Variants in KCNIP4 observed in about 807,000 individuals in gnomAD.
The protein encoded by KCNIP4 is potassium voltage-gated channel interacting protein 4.
In KCNIP4, 12 loss-of-function variants were observed where a neutral mutation model predicts 34.0. That is an observed-to-expected ratio of 0.35 (90% confidence interval 0.23 to 0.57). The LOEUF (loss-of-function observed/expected upper bound fraction) is 0.57. Among genes scored for constraint, KCNIP4 ranks in the 20% least tolerant of loss-of-function variants. KCNIP4 has a pLI of 0.83. For missense variants in KCNIP4, 238 were observed against 311.7 expected (o/e 0.76, Z 1.78); for synonymous variants, 124 against 102.2 (o/e 1.21, Z -1.29).
chr4:21,360,799 A>T (rs1375756818), intron 1 of KCNIP4, among the ~76,000 whole-genome samples: 1 of 152,106 alleles, frequency 6.6e-6, no homozygotes, highest in Non-Finnish European at 1.5e-5. Context: ...TTTTACATTG[A>T]AATTATCAGT....
chr4:21,225,754 G>A (rs1758332433), intron 1 of KCNIP4, among the ~76,000 whole-genome samples: 1 of 152,114 alleles, frequency 6.6e-6, no homozygotes, highest in African/African-American at 2.4e-5. Context: ...GAAGAAAAAT[G>A]GAGCCAGACT....
At chr4:20,938,018 C>A (rs1731255055) in intron 1 of KCNIP4, among the ~76,000 whole-genome samples, 1 of 152,032 alleles carries the variant, frequency 6.6e-6, no homozygotes, top group African/African-American at 2.4e-5. Flanking sequence ...TAGTCATTAT[C>A]AATTTTAAAT....
chr4:21,529,932 G>T (rs946600747), intron 1 of KCNIP4, among the ~76,000 whole-genome samples: 4 of 152,138 alleles, frequency 2.6e-5, no homozygotes, highest in Non-Finnish European at 1.5e-5. Flanking sequence ...TTGAAACACA[G>T]TTCGCGAGGA....
intron 1 of KCNIP4, among the ~76,000 whole-genome samples, chr4:20,888,972 T>A (rs1725616382): frequency 6.6e-6 from 1 of 152,182 alleles, no homozygotes; most frequent in African/African-American, 2.4e-5. Flanking sequence ...TACAATATCA[T>A]ACTTATTACA....
chr4:21,717,415 G>T (rs1714470995), intron 1 of KCNIP4, among the ~76,000 whole-genome samples: 1 of 151,954 alleles, frequency 6.6e-6, no homozygotes, highest in African/African-American at 2.4e-5. Context: ...TAACTCCCTA[G>T]AATACACTGG....
rs562205809 is a variant in KCNIP4 at position 21,505,886 on chromosome 4, T to A, written c.61+442685A>T. On this transcript the variant is annotated intron_variant, in intron 1 of 8. Transcript: ENST00000382152. ...GGGAGACTGAGGCAGGTGGATCATCTGAGCTCAGGAGTTCAAGGCCAGCCT... is the reference window on the plus strand; with the variant it reads ...GGGAGACTGAGGCAGGTGGATCATCAGAGCTCAGGAGTTCAAGGCCAGCCT... 1.1e-4 allele frequency among the ~76,000 whole-genome samples: 16 copies of A among 152,326 alleles called. No individual in the cohort carries two copies. In the East Asian group the frequency reaches 3.1e-3, roughly 29 times the overall value.
intron 1 of KCNIP4, among the ~76,000 whole-genome samples, chr4:20,945,517 C>T (rs1029048093): frequency 1.3e-5 from 2 of 152,080 alleles, no homozygotes; most frequent in African/African-American, 4.8e-5. Flanking sequence ...TATTTCAAAG[C>T]CTTATGCAAA....
intron 1 of KCNIP4, among the ~76,000 whole-genome samples, chr4:21,428,294 T>C (rs961391227): frequency 1.3e-5 from 2 of 152,228 alleles, no homozygotes; most frequent in Non-Finnish European, 2.9e-5. Context: ...GCAATCCTTT[T>C]TAAATGTAAT....
chr4:21,035,596 G>C (rs1357758075), intron 1 of KCNIP4, among the ~76,000 whole-genome samples: 2 of 152,148 alleles, frequency 1.3e-5, no homozygotes, highest in African/African-American at 4.8e-5. Flanking sequence ...TTGACCTTGA[G>C]TCTTCATTAA....
intron 1 of KCNIP4, among the ~76,000 whole-genome samples, chr4:21,118,519 C>A (rs534394781): frequency 6.6e-6 from 1 of 152,320 alleles, no homozygotes; most frequent in Admixed American, 6.5e-5. Flanking sequence ...TTCCCATTCC[C>A]GTGTCTGCCT....
intron 1 of KCNIP4, among the ~76,000 whole-genome samples, chr4:21,103,128 C>A (rs1372037161): frequency 2.0e-5 from 3 of 151,594 alleles, no homozygotes; most frequent in Non-Finnish European, 4.4e-5. Flanking sequence ...GAACAGAACC[C>A]TGATTTGGAG....
At chr4:21,145,642 AG>A (rs1752292866) in intron 1 of KCNIP4, among the ~76,000 whole-genome samples, 1 of 152,136 alleles carries the variant, frequency 6.6e-6, no homozygotes, top group Non-Finnish European at 1.5e-5. Context: ...GGAGGTGAAA[AG>A]GGCCCTGATT....
chr4:21,704,103 G>A (rs1316279635), intron 1 of KCNIP4, among the ~76,000 whole-genome samples: 1 of 152,124 alleles, frequency 6.6e-6, no homozygotes, highest in African/African-American at 2.4e-5. Context: ...CAACAGTGAC[G>A]CTGGAGCAAA....
chr4:20,843,449 G>C (rs1035403554), intron 3 of KCNIP4, among the ~76,000 whole-genome samples: 11 of 152,148 alleles, frequency 7.2e-5, no homozygotes, highest in African/African-American at 2.4e-4. Context: ...TTGAAAGAAG[G>C]CCGGGCATAG....
chr4:21,356,735 T>G (rs138283918), intron 1 of KCNIP4, among the ~76,000 whole-genome samples: 1 of 151,958 alleles, frequency 6.6e-6, no homozygotes, highest in African/African-American at 2.4e-5. Flanking sequence ...AAAATGGCCA[T>G]ACTGCCCAAG....
At chr4:21,249,845 T>C (rs1166811726) in intron 1 of KCNIP4, among the ~76,000 whole-genome samples, 1 of 152,172 alleles carries the variant, frequency 6.6e-6, no homozygotes, top group Admixed American at 6.5e-5. Context: ...TTGTATAATA[T>C]TTATCTATGA....
intron 3 of KCNIP4, among the ~76,000 whole-genome samples, chr4:20,799,641 T>C (rs1713970030): frequency 6.6e-6 from 1 of 152,282 alleles, no homozygotes; most frequent in South Asian, 2.1e-4. Flanking sequence ...AGTGGTGCCT[T>C]GCCATTCCTG....
intron 1 of KCNIP4, among the ~76,000 whole-genome samples, chr4:21,166,464 G>T (rs1753631485): frequency 6.6e-6 from 1 of 152,154 alleles, no homozygotes; most frequent in Non-Finnish European, 1.5e-5. Flanking sequence ...TAGTGGTAAA[G>T]TAGTTTATCT....
At chr4:21,745,919 A>G (rs1337584497) in intron 1 of KCNIP4, among the ~76,000 whole-genome samples, 2 of 152,194 alleles carry the variant, frequency 1.3e-5, no homozygotes, top group Admixed American at 6.6e-5. Context: ...TTTGTTTGCT[A>G]TGATGCCATA....
Sources: gnomAD v4.1 joint callset for allele counts (sites outside exome capture counted in the v4.1 genomes callset) on GRCh38, gnomAD v4.1.1 for gene constraint, MANE v1.5 for transcripts, NCBI Gene and HGNC (gene_info 2026-07-23, HGNC 2026-07-21) for gene names.